MYO3A: variants seen among roughly 807,000 people sequenced by gnomAD.
MYO3A encodes myosin-IIIa.
A neutral mutation model predicts 192.7 loss-of-function variants in MYO3A; 180 were observed. The ratio of observed to expected loss-of-function variants is 0.93; its 90% CI spans 0.83 to 1.06. The LOEUF is 1.06. Ranked by LOEUF, MYO3A falls within the 50% of genes least tolerant of loss-of-function variation. The pLI is 0.00. For missense variants in MYO3A, 1,896 were observed against 1,905.0 expected, an observed-to-expected ratio of 1.00 and a Z score of 0.09; for synonymous variants, 628 against 645.3, an observed-to-expected ratio of 0.97 and a Z score of 0.41.
At chr10:25,991,185 A>T (rs1397586065) in intron 4 of MYO3A, among the ~76,000 whole-genome samples, 1 of 152,138 alleles carries the variant, frequency 6.6e-6, no homozygotes, top group Non-Finnish European at 1.5e-5. Context: ...TTGTTTCCTG[A>T]CTTTTTAATG....
intron 10 of MYO3A, among the ~76,000 whole-genome samples, chr10:26,045,682 G>A (rs1041475787): frequency 1.3e-5 from 2 of 151,944 alleles, no homozygotes; most frequent in Non-Finnish European, 2.9e-5. Context: ...GACCTTCCCC[G>A]GTCCTCCTTT....
chr10:26,203,316 T>A (rs1843762738), intron 34 of MYO3A, among the ~76,000 whole-genome samples: 1 of 152,156 alleles, frequency 6.6e-6, no homozygotes, highest in Admixed American at 6.5e-5. Flanking sequence ...AAAACTGAGT[T>A]TTTATCTGTT....
Position 26,003,923 on chromosome 10 carries a change from A to G in MYO3A, c.508+6665A>G, listed in dbSNP as rs150612010. 1.9e-4 allele frequency among the ~76,000 whole-genome samples: 29 copies of G among 152,288 alleles called. 2 individuals are homozygous for G. The South Asian group carries it at 5.0e-3, about 26-fold the overall frequency. Reference sequence around the variant, plus strand: ...TTTTAGACCAAATCCCCAATGCATAATGTAGGTCAAAGAGAAGCTGTGATT... The same window carrying G: ...TTTTAGACCAAATCCCCAATGCATAGTGTAGGTCAAAGAGAAGCTGTGATT... On this transcript the variant is annotated intron_variant, in intron 6 of 34. Transcript: ENST00000642920.
rs757310669 is a variant in MYO3A, at chr10:25,955,010, T to A, written c.303+2T>A. 1.9e-6 allele frequency: 3 copies of A among 1,612,772 alleles called. No homozygotes were observed. The highest frequency in any genetic ancestry group is 2.5e-6 in the Non-Finnish European group (3 of 1,179,058). ...GACAAGCTGTGGTTGGTTCTTGAGG[T>A]AAGTGTGTCAGCATCATTTGTATGG... On this transcript the variant is annotated splice_donor_variant, in intron 4 of 34. Coordinates refer to ENST00000642920, the MANE Select transcript of MYO3A (RefSeq NM_017433.5). LOFTEE classifies it high-confidence loss of function.
At chr10:26,115,739 G>A (rs970427157) in intron 17 of MYO3A, among the ~76,000 whole-genome samples, 1 of 152,106 alleles carries the variant, frequency 6.6e-6, no homozygotes, top group Non-Finnish European at 1.5e-5. Flanking sequence ...GACAGGGCAG[G>A]CTTACAAGGA....
chr10:26,038,060 G>A (rs1286481587), intron 10 of MYO3A, among the ~76,000 whole-genome samples: 1 of 152,216 alleles, frequency 6.6e-6, no homozygotes, highest in Non-Finnish European at 1.5e-5. Flanking sequence ...ATTGGTCCAT[G>A]TGTCTGTTTT....
intron 4 of MYO3A, among the ~76,000 whole-genome samples, chr10:25,959,505 C>A (rs1837788122): frequency 6.6e-6 from 1 of 152,032 alleles, no homozygotes; most frequent in African/African-American, 2.4e-5. Context: ...ATTTAGTAAT[C>A]CATGTTCTTA....
At chr10:25,960,948 C>T (rs879486697) in intron 4 of MYO3A, among the ~76,000 whole-genome samples, 1 of 152,120 alleles carries the variant, frequency 6.6e-6, no homozygotes, top group Non-Finnish European at 1.5e-5. Context: ...AACTTTTACT[C>T]ATCTAAGCTT....
intron 2 of MYO3A, among the ~76,000 whole-genome samples, chr10:25,941,474 A>T (rs1056443519): frequency 1.3e-5 from 2 of 152,156 alleles, no homozygotes; most frequent in South Asian, 2.1e-4. Context: ...CAGGAGATGG[A>T]TGATCATGCA....
intron 12 of MYO3A, among the ~76,000 whole-genome samples, chr10:26,069,208 G>A (rs546289705): frequency 7.2e-6 from 1 of 138,362 alleles, no homozygotes; most frequent in East Asian, 2.0e-4. Flanking sequence ...TGTACTTAAT[G>A]TATGTCTGCC....
At chr10:26,086,635 A>AT (rs1311965473) in intron 14 of MYO3A, among the ~76,000 whole-genome samples, 108 of 152,084 alleles carry the variant, frequency 7.1e-4, no homozygotes, top group African/African-American at 2.5e-3. Flanking sequence ...TAAAAAAAAA[A>AT]GGTGGTGCTA....
intron 4 of MYO3A, among the ~76,000 whole-genome samples, chr10:25,976,936 G>A (rs148952151): frequency 3.3e-5 from 5 of 151,676 alleles, no homozygotes; most frequent in East Asian, 1.9e-4. Flanking sequence ...CTAATTATAC[G>A]GTATTTACTT....
At chr10:26,057,105 C>A (rs1834157874) in intron 10 of MYO3A, among the ~76,000 whole-genome samples, 1 of 152,188 alleles carries the variant, frequency 6.6e-6, no homozygotes, top group African/African-American at 2.4e-5. Context: ...ATTTTACTTT[C>A]AAGAGGCTGA....
intron 17 of MYO3A, among the ~76,000 whole-genome samples, chr10:26,114,579 A>G (rs759873374): frequency 6.6e-5 from 9 of 136,982 alleles, no homozygotes; most frequent in Admixed American, 1.4e-4. Flanking sequence ...GAGGACATTT[A>G]GATTTATAAA....
At chr10:25,983,450 G>T (rs1839458079) in intron 4 of MYO3A, among the ~76,000 whole-genome samples, 4 of 151,798 alleles carry the variant, frequency 2.6e-5, no homozygotes, top group Admixed American at 2.6e-4. Context: ...ATAGAGACGG[G>T]GTTTCACCGT....
At chr10:26,005,739 G>GA (rs1841159156) in intron 6 of MYO3A, among the ~76,000 whole-genome samples, 1 of 152,048 alleles carries the variant, frequency 6.6e-6, no homozygotes, top group South Asian at 2.1e-4. Flanking sequence ...TATGAATCTT[G>GA]AAAATTTGAG....
At chr10:26,125,211 A>G (rs1397993269) in intron 18 of MYO3A, among the ~76,000 whole-genome samples, 187 bp from the exon 19 acceptor site, 3 of 152,218 alleles carry the variant, frequency 2.0e-5, no homozygotes, top group African/African-American at 7.2e-5. Flanking sequence ...ACCAGCTGAG[A>G]AAAGTTGAGA....
chr10:26,197,625 C>T (rs537795868), intron 32 of MYO3A, among the ~76,000 whole-genome samples: 50 of 152,174 alleles, frequency 3.3e-4, no homozygotes, highest in African/African-American at 1.1e-3. Context: ...ATGCAGTGGC[C>T]CAATCTCAGC....
intron 6 of MYO3A, among the ~76,000 whole-genome samples, chr10:26,005,861 T>C: frequency 6.6e-6 from 1 of 152,068 alleles, no homozygotes; most frequent in East Asian, 1.9e-4. Context: ...CATTAATATA[T>C]TACTCATCCA....
Sources: allele counts gnomAD v4.1 joint callset (sites outside exome capture counted in the v4.1 genomes callset), GRCh38; gene constraint gnomAD v4.1.1; transcripts MANE v1.5; gene names NCBI Gene and HGNC (gene_info 2026-07-23, HGNC 2026-07-21).